The following ABHD17C variants were observed in gnomAD, a reference collection of about 807,000 sequenced individuals.
The protein encoded by ABHD17C is abhydrolase domain containing 17C, depalmitoylase.
Under a neutral mutation model 27.9 loss-of-function variants are expected in ABHD17C, and 11 were observed. The ratio of observed to expected loss-of-function variants is 0.39; its 90% CI spans 0.25 to 0.65. The LOEUF (loss-of-function observed/expected upper bound fraction) is 0.65. ABHD17C is among the 30% of genes least tolerant of loss of function. ABHD17C has a pLI of 0.45. For synonymous variants in ABHD17C, 233 were observed against 209.1 expected, an observed-to-expected ratio of 1.11 and a Z score of -0.98; for missense variants, 280 against 470.2, an observed-to-expected ratio of 0.60 and a Z score of 3.74.
At chr15:80,720,849 AG>A (rs1259930144) in intron 1 of ABHD17C, among the ~76,000 whole-genome samples, 1 of 151,096 alleles carries the variant, frequency 6.6e-6, no homozygotes, top group Non-Finnish European at 1.5e-5. Context: ...TGAACCCGGG[AG>A]GTGGAGGTTG....
At chr15:80,752,672 C>G (rs556580086) in intron 2 of ABHD17C, among the ~76,000 whole-genome samples, 1 of 152,274 alleles carries the variant, frequency 6.6e-6, no homozygotes, top group East Asian at 1.9e-4. Context: ...TAATTGGTAT[C>G]CTTTTGTAAC....
chr15:80,704,272 C>T (rs576776437), intron 1 of ABHD17C, among the ~76,000 whole-genome samples: 10 of 152,126 alleles, frequency 6.6e-5, no homozygotes, highest in Non-Finnish European at 1.5e-4. Flanking sequence ...GGGGTTGGCT[C>T]CTCTCATCTC....
intron 1 of ABHD17C, among the ~76,000 whole-genome samples, chr15:80,748,047 A>G (rs568345032): frequency 6.6e-6 from 1 of 152,164 alleles, no homozygotes; most frequent in African/African-American, 2.4e-5. Flanking sequence ...TCTCCCATAG[A>G]AAGTCCTCAC....
chr15:80,732,964 A>G lies in ABHD17C; in HGVS notation c.591-16549A>G, dbSNP rs567140808. On this transcript the variant is annotated intron_variant, in intron 1 of 2. Coordinates refer to ENST00000258884, the MANE Select transcript of ABHD17C (RefSeq NM_021214.2). ...GGAAAGTGGCCTGGATGGGTGAAGG[A>G]CTACAAGTGCAGGAGAGAGGATTAA... Among the ~76,000 whole-genome samples the G allele has an allele frequency of 5.3e-5, 8 of 152,200 alleles. No individual in the cohort carries two copies. The South Asian group carries it at 1.7e-3, about 32-fold the overall frequency.
chr15:80,701,603 CG>C, intron 1 of ABHD17C, among the ~76,000 whole-genome samples: 2 of 150,812 alleles, frequency 1.3e-5, no homozygotes, highest in South Asian at 4.2e-4. Context: ...GGCTTGAACC[CG>C]GGAGGCAGAG....
intron 1 of ABHD17C, among the ~76,000 whole-genome samples, chr15:80,736,861 A>G (rs1050086183): frequency 3.3e-5 from 5 of 152,232 alleles, no homozygotes; most frequent in African/African-American, 9.6e-5. Context: ...CAAGCCTTAC[A>G]TTAAAACAAA....
chr15:80,702,347 T>C (rs1394869091), intron 1 of ABHD17C, among the ~76,000 whole-genome samples: 1 of 151,752 alleles, frequency 6.6e-6, no homozygotes, highest in East Asian at 1.9e-4. Context: ...AAAAATAAAT[T>C]AGCTGGGCAT....
At chr15:80,710,325 A>G (rs551810484) in intron 1 of ABHD17C, among the ~76,000 whole-genome samples, 1 of 152,142 alleles carries the variant, frequency 6.6e-6, no homozygotes, top group Non-Finnish European at 1.5e-5. Context: ...GGGTGAGGGC[A>G]TTAGTCACAT....
At chr15:80,744,721 A>C (rs1895259953) in intron 1 of ABHD17C, among the ~76,000 whole-genome samples, 1 of 152,200 alleles carries the variant, frequency 6.6e-6, no homozygotes, top group Non-Finnish European at 1.5e-5. Flanking sequence ...GGAAATTAGG[A>C]ATGAAAATTT....
chr15:80,709,725 T>G (rs1894705170), intron 1 of ABHD17C, among the ~76,000 whole-genome samples: 1 of 152,092 alleles, frequency 6.6e-6, no homozygotes, highest in South Asian at 2.1e-4. Context: ...TCCTCCACCC[T>G]GCACCACTCT....
At chr15:80,710,177 G>A (rs1209343646) in intron 1 of ABHD17C, among the ~76,000 whole-genome samples, 2 of 152,172 alleles carry the variant, frequency 1.3e-5, no homozygotes, top group African/African-American at 4.8e-5. Flanking sequence ...TGGGCTGAGG[G>A]ACCAGGGTCC....
chr15:80,753,714 T>C (rs1048861131), intron 2 of ABHD17C, among the ~76,000 whole-genome samples: 1 of 152,206 alleles, frequency 6.6e-6, no homozygotes, highest in Non-Finnish European at 1.5e-5. Flanking sequence ...CTGATTTTTG[T>C]ATACACTGTA....
At chr15:80,752,241 G>A (rs1225974658) in intron 2 of ABHD17C, among the ~76,000 whole-genome samples, 2 of 152,150 alleles carry the variant, frequency 1.3e-5, no homozygotes, top group South Asian at 4.1e-4. Context: ...ATTAAATATA[G>A]GGGGAAAGCA....
intron 2 of ABHD17C, among the ~76,000 whole-genome samples, chr15:80,750,720 T>C (rs1208320579): frequency 1.3e-5 from 2 of 152,144 alleles, no homozygotes; most frequent in Admixed American, 6.6e-5. Context: ...TGCAGATTTA[T>C]AGTGGCGTGG....
At chr15:80,721,866 C>T (rs561037177) in intron 1 of ABHD17C, among the ~76,000 whole-genome samples, 1 of 152,090 alleles carries the variant, frequency 6.6e-6, no homozygotes, top group South Asian at 2.1e-4. Flanking sequence ...AGGAGGCCCC[C>T]CAGTGCCAGC....
intron 1 of ABHD17C, among the ~76,000 whole-genome samples, chr15:80,724,465 T>A (rs1894944613): frequency 6.6e-6 from 1 of 152,156 alleles, no homozygotes; most frequent in African/African-American, 2.4e-5. Flanking sequence ...GTCGTCACTG[T>A]GGAAGTTGGG....
chr15:80,732,043 C>G (rs1895064183), intron 1 of ABHD17C, among the ~76,000 whole-genome samples: 1 of 152,188 alleles, frequency 6.6e-6, no homozygotes, highest in Non-Finnish European at 1.5e-5. Context: ...CCATTTACAT[C>G]TGAGATGCTC....
chr15:80,699,372 A>T (rs1488732222), intron 1 of ABHD17C, among the ~76,000 whole-genome samples: 1 of 152,082 alleles, frequency 6.6e-6, no homozygotes, highest in Non-Finnish European at 1.5e-5. Context: ...AAGTACTTGG[A>T]TCTTATTTTA....
At chr15:80,751,315 G>A (rs973705230) in intron 2 of ABHD17C, among the ~76,000 whole-genome samples, 1 of 151,850 alleles carries the variant, frequency 6.6e-6, no homozygotes, top group African/African-American at 2.4e-5. Flanking sequence ...AGCCGAGATC[G>A]CACCACTTCA....
Sources: allele counts gnomAD v4.1 joint callset (sites outside exome capture counted in the v4.1 genomes callset), GRCh38; gene constraint gnomAD v4.1.1; transcripts MANE v1.5; gene names NCBI Gene and HGNC (gene_info 2026-07-23, HGNC 2026-07-21).